SGCZ: variants seen among roughly 807,000 people sequenced by gnomAD.
SGCZ encodes the protein sarcoglycan zeta.
In SGCZ, 40 loss-of-function variants were observed where a neutral mutation model predicts 41.3. The ratio of observed to expected loss-of-function variants is 0.97; its 90% confidence interval spans 0.75 to 1.26. The LOEUF (loss-of-function observed/expected upper bound fraction) is 1.26, where lower values mean the gene tolerates loss of function less well. SGCZ is among the 50% of genes most tolerant of loss of function. SGCZ has a pLI of 0.00. For synonymous variants in SGCZ, 206 were observed against 137.5 expected, an observed-to-expected ratio of 1.50 and a Z score of -3.49; for missense variants, 552 against 369.8, an observed-to-expected ratio of 1.49 and a Z score of -4.04.
chr8:14,430,254 A>G (rs1799906161), intron 2 of SGCZ, among the ~76,000 whole-genome samples: 1 of 152,182 alleles, frequency 6.6e-6, no homozygotes, highest in African/African-American at 2.4e-5. Flanking sequence ...AAAGAAACCT[A>G]CAGACCACTA....
chr8:14,763,363 G>C (rs1457287526), intron 1 of SGCZ, among the ~76,000 whole-genome samples: 2 of 152,100 alleles, frequency 1.3e-5, no homozygotes, highest in Non-Finnish European at 2.9e-5. Context: ...ACAAGCCACA[G>C]AGTCCAAAAT....
intron 4 of SGCZ, among the ~76,000 whole-genome samples, chr8:14,178,747 G>T (rs751841190): frequency 6.6e-6 from 1 of 152,144 alleles, no homozygotes; most frequent in African/African-American, 2.4e-5. Context: ...CTAATGTCTA[G>T]GTTATCATGA....
At chr8:15,208,358 C>A (rs1801136133) in intron 1 of SGCZ, among the ~76,000 whole-genome samples, 1 of 152,154 alleles carries the variant, frequency 6.6e-6, no homozygotes, top group East Asian at 1.9e-4. Context: ...CTAACGCATC[C>A]AAATAATATG....
At chr8:14,583,092 C>A (rs895878314) in intron 1 of SGCZ, among the ~76,000 whole-genome samples, 36 of 150,002 alleles carry the variant, frequency 2.4e-4, no homozygotes, top group African/African-American at 8.8e-4. Flanking sequence ...ACACTGACTT[C>A]CACAATGGTT....
intron 1 of SGCZ, among the ~76,000 whole-genome samples, chr8:14,784,913 A>AATATATATATATAT (rs1554499020): frequency 4.5e-5 from 4 of 88,038 alleles, no homozygotes; most frequent in African/African-American, 9.4e-5. Flanking sequence ...AAAAAAAAAA[A>AATATATATATATAT]ATATATATAT....
intron 5 of SGCZ, among the ~76,000 whole-genome samples, chr8:14,134,670 G>GA (rs2117065447): frequency 6.6e-6 from 1 of 152,160 alleles, no homozygotes; most frequent in South Asian, 2.1e-4. Flanking sequence ...ACCTATGTGG[G>GA]AAAAAATACC....
At chr8:14,384,546 T>A (rs1255401956) in intron 2 of SGCZ, among the ~76,000 whole-genome samples, 2 of 152,262 alleles carry the variant, frequency 1.3e-5, no homozygotes, top group East Asian at 3.9e-4. Flanking sequence ...ATTACTTGTA[T>A]TATGATTACT....
At chr8:14,553,907 C>T (rs541454945) in intron 2 of SGCZ, among the ~76,000 whole-genome samples, 12 of 151,964 alleles carry the variant, frequency 7.9e-5, no homozygotes, top group Non-Finnish European at 2.9e-5. Flanking sequence ...AAGATACTTG[C>T]TTGTATGTGG....
chr8:14,624,620 G>A (rs1460047134), intron 1 of SGCZ, among the ~76,000 whole-genome samples: 1 of 137,980 alleles, frequency 7.2e-6, no homozygotes, highest in African/African-American at 2.7e-5. Context: ...GCCCAGGCTG[G>A]AGTGCAGTTG....
intron 6 of SGCZ, among the ~76,000 whole-genome samples, chr8:14,103,955 T>C (rs1380529916): frequency 1.3e-5 from 2 of 152,146 alleles, no homozygotes; most frequent in African/African-American, 4.8e-5. Flanking sequence ...TACACAACCC[T>C]TCTAGAACTA....
At chr8:15,179,259 G>T (rs1800091567) in intron 1 of SGCZ, among the ~76,000 whole-genome samples, 1 of 152,004 alleles carries the variant, frequency 6.6e-6, no homozygotes, top group Admixed American at 6.6e-5. Flanking sequence ...TCAGATAGAG[G>T]GAATGAGGAT....
chr8:14,353,774 T>A (rs1012799280), intron 2 of SGCZ, among the ~76,000 whole-genome samples: 1 of 152,068 alleles, frequency 6.6e-6, no homozygotes, highest in African/African-American at 2.4e-5. Flanking sequence ...TTTACCAACC[T>A]GTTTAAAATC....
chr8:14,095,759 T>G (rs1486269385), intron 7 of SGCZ, among the ~76,000 whole-genome samples: 7 of 152,218 alleles, frequency 4.6e-5, no homozygotes, highest in African/African-American at 1.4e-4. Flanking sequence ...TCCATTTGTT[T>G]GTGTCCTCTC....
chr8:14,146,877 A>T (rs11782601), intron 5 of SGCZ, among the ~76,000 whole-genome samples: 35,889 of 141,866 alleles, frequency 0.25, 7,448 homozygotes, highest in Middle Eastern at 0.31. Flanking sequence ...GTCTCAAAAA[A>T]TAAAAATAAA....
intron 1 of SGCZ, among the ~76,000 whole-genome samples, chr8:14,981,592 T>C (rs1240511728): frequency 6.6e-6 from 1 of 152,184 alleles, no homozygotes; most frequent in Non-Finnish European, 1.5e-5. Context: ...CTATATTCTC[T>C]TCTATCCCAA....
intron 2 of SGCZ, among the ~76,000 whole-genome samples, chr8:14,351,599 G>C (rs373732537): frequency 6.6e-6 from 1 of 151,240 alleles, no homozygotes; most frequent in African/African-American, 2.4e-5. Flanking sequence ...ATAGGAAATT[G>C]TGACAAAATT....
At chr8:14,503,224 C>G (rs1802205196) in intron 2 of SGCZ, among the ~76,000 whole-genome samples, 1 of 152,028 alleles carries the variant, frequency 6.6e-6, no homozygotes, top group Non-Finnish European at 1.5e-5. Context: ...CATGTTCTCA[C>G]TCATAAGTGG....
At chr8:14,186,106 T>C (rs756906113) in intron 4 of SGCZ, among the ~76,000 whole-genome samples, 11 of 152,208 alleles carry the variant, frequency 7.2e-5, no homozygotes, top group Non-Finnish European at 1.5e-4. Context: ...CCCAGTAATT[T>C]AGCGCTCTAC....
chr8:14,634,505 A>T (rs1291468642), intron 1 of SGCZ, among the ~76,000 whole-genome samples: 1 of 151,934 alleles, frequency 6.6e-6, no homozygotes, highest in African/African-American at 2.4e-5. Flanking sequence ...AAATACTAAA[A>T]TAAAAATCTT....
Sources: allele counts gnomAD v4.1 joint callset (sites outside exome capture counted in the v4.1 genomes callset), GRCh38; gene constraint gnomAD v4.1.1; transcripts MANE v1.5; gene names NCBI Gene and HGNC (gene_info 2026-07-23, HGNC 2026-07-21).